TPO: variants seen among roughly 807,000 people sequenced by gnomAD.
TPO encodes thyroid microsomal antigen.
TPO carries 78 observed loss-of-function variants against 96.9 expected under a neutral mutation model. That is an observed-to-expected ratio of 0.81 (90% CI 0.67 to 0.97). TPO has a LOEUF of 0.97. TPO is among the 50% of genes least tolerant of loss of function. The pLI is 0.00. For synonymous variants in TPO, 547 were observed against 538.0 expected (o/e 1.02, Z -0.23); for missense variants, 1,252 against 1,274.8 (o/e 0.98, Z 0.27).
chr2:1,499,040 G>T (rs1168331481), intron 13 of TPO, among the ~76,000 whole-genome samples: 1 of 152,140 alleles, frequency 6.6e-6, no homozygotes, highest in African/African-American at 2.4e-5. Flanking sequence ...CAAATACCCA[G>T]ACGTTTCACG....
intron 13 of TPO, among the ~76,000 whole-genome samples, chr2:1,499,105 C>T (rs912856914): frequency 4.6e-5 from 7 of 152,168 alleles, no homozygotes; most frequent in African/African-American, 1.7e-4. Context: ...TACTCACAGG[C>T]ATCTTCAAGG....
At chr2:1,392,690 C>A (rs1173362297) in intron 1 of TPO, among the ~76,000 whole-genome samples, 1 of 152,114 alleles carries the variant, frequency 6.6e-6, no homozygotes, top group East Asian at 1.9e-4. Context: ...TTGGTCTGTT[C>A]GGAGACTCAA....
At chr2:1,512,100 C>G (rs150449989) in intron 14 of TPO, among the ~76,000 whole-genome samples, 12 of 151,878 alleles carry the variant, frequency 7.9e-5, no homozygotes, top group African/African-American at 2.9e-4. Flanking sequence ...GTGGCGCGAT[C>G]TCAGCCCACT....
chr2:1,482,020 G>A (rs1670693453), intron 8 of TPO, among the ~76,000 whole-genome samples: 1 of 152,194 alleles, frequency 6.6e-6, no homozygotes, highest in Non-Finnish European at 1.5e-5. Context: ...CTCCTCCCTG[G>A]AGCACCCTCA....
At position 1,542,436 on chromosome 2, in the gene TPO, G is replaced by C. The variant is rs1193953273; in HGVS notation, c.2764G>C (p.Glu922Gln). Residue 922 changes from glutamate (E) to glutamine (Q), a missense_variant, in exon 17 of 17, where the codon GAA becomes CAA. Transcript: ENST00000329066. ...ATTTTTGCAGGAGAGTGCTGGGATG[G>C]AAGGCCGGGATACTCACAGGCTGCC... Reference protein sequence around the residue: ...QDSEQESAGMEGRDTHRLPRA... With the variant: ...QDSEQESAGMQGRDTHRLPRA... 19 of 1,614,080 alleles carry C rather than the reference G, an allele frequency of 1.2e-5. No homozygotes were observed. The highest frequency in any genetic ancestry group is 1.4e-5 in the Non-Finnish European group (17 of 1,180,038).
chr2:1,380,891 TG>T (rs1465822741), intron 1 of TPO, among the ~76,000 whole-genome samples: 1 of 152,062 alleles, frequency 6.6e-6, no homozygotes, highest in Non-Finnish European at 1.5e-5. Context: ...CTTCCAATCC[TG>T]GGGGAAGGCA....
intron 7 of TPO, among the ~76,000 whole-genome samples, chr2:1,465,870 G>C (rs1010020814): frequency 1.3e-5 from 2 of 152,072 alleles, no homozygotes; most frequent in Non-Finnish European, 2.9e-5. Flanking sequence ...CCTCTTCGCC[G>C]ATTTGGATGC....
rs1662025418 is a variant in TPO at position 1,392,885 on chromosome 2, TTTC to T, written n.180+18489_180+18491del. On this transcript the variant is annotated intron_variant and non_coding_transcript_variant, in intron 1 of 5. Coordinates refer to the TPO transcript ENST00000497517. ...TTGCATCTATTTGATTCTTCTCTCT[TTTC>T]TTCTTTATTCTTAAACAGATACTTA... Among the ~76,000 whole-genome samples the T allele has an allele frequency of 1.3e-5, 2 of 152,218 alleles. 1 individual carries two copies. Among genetic ancestry groups the T allele is most frequent in the South Asian group, 4.1e-4 (2 of 4,830 alleles).
In TPO at chr2:1,469,242, C is replaced by A. The variant is rs538327103; in HGVS notation, c.820-7844C>A. Among the ~76,000 whole-genome samples, 8 of 152,192 alleles carry A rather than the reference C, an allele frequency of 5.3e-5. No individual in the cohort carries two copies. The East Asian group carries it at 1.5e-3, about 29-fold the overall frequency. ...ATTTCTCCTTGGTTTGGATCCATTG[C>A]CAGTGAGCTAGTGTGATTTTAGGGG... On this transcript the variant is annotated intron_variant, in intron 7 of 16. Coordinates refer to ENST00000329066, the MANE Select transcript of TPO (RefSeq NM_001206744.2).
intron 1 of TPO, among the ~76,000 whole-genome samples, chr2:1,389,447 A>T (rs2148355529): frequency 6.6e-6 from 1 of 152,318 alleles, no homozygotes; most frequent in East Asian, 1.9e-4. Context: ...AGTTTCACTT[A>T]CTCATCCATG....
intron 1 of TPO, among the ~76,000 whole-genome samples, chr2:1,397,897 A>T (rs535777246): frequency 6.6e-6 from 1 of 152,290 alleles, no homozygotes; most frequent in Admixed American, 6.5e-5. Context: ...AAGCTCCTTT[A>T]TCCAGCTCCC....
intron 15 of TPO, among the ~76,000 whole-genome samples, chr2:1,533,371 T>TGCAACCTCCTCAAATCCCCCTACTGCGA (rs2125269165): frequency 8.4e-6 from 1 of 118,382 alleles, no homozygotes; most frequent in African/African-American, 3.2e-5. Flanking sequence ...CCCCACTGTG[T>TGCAACCTCCTCAAATCCCCCTACTGCGA]GCAACCTCCT....
At chr2:1,376,179 C>T (rs1661719188) in intron 1 of TPO, among the ~76,000 whole-genome samples, 6 of 152,178 alleles carry the variant, frequency 3.9e-5, no homozygotes, top group Admixed American at 3.9e-4. Context: ...GGGTATAAAA[C>T]CCGCCATCAC....
chr2:1,402,958 C>T (rs770102282), intron 1 of TPO, among the ~76,000 whole-genome samples: 3 of 152,308 alleles, frequency 2.0e-5, no homozygotes, highest in East Asian at 1.9e-4. Flanking sequence ...CCTTCATTTC[C>T]GGCATCCTCA....
Position 1,456,187 on chromosome 2 carries a change from G to A in TPO, c.724G>A (p.Ala242Thr), listed in dbSNP as rs780371451. ...GGGACAATACATCGACCACGACATC[G>A]CGTTCACACCACAGAGCACCAGCAA... Reference protein sequence around the residue: ...AWGQYIDHDIAFTPQSTSKAA... With the variant: ...AWGQYIDHDITFTPQSTSKAA... The change falls in exon 7 of 17, where the codon GCG becomes ACG. Residue 242 changes from alanine (A) to threonine (T), a missense_variant. Coordinates refer to ENST00000329066, the MANE Select transcript of TPO (RefSeq NM_001206744.2). 9.2e-5 allele frequency: 149 copies of A among 1,613,954 alleles called. No individual in the cohort carries two copies. The highest frequency in any genetic ancestry group is 1.3e-4 in the Admixed American group (8 of 60,004).
chr2:1,487,240 TAAAAC>T (rs1210207307), intron 9 of TPO, among the ~76,000 whole-genome samples: 21 of 151,354 alleles, frequency 1.4e-4, no homozygotes, highest in Non-Finnish European at 2.5e-4. Flanking sequence ...TGCTGAGAAA[TAAAAC>T]AAAAAGCTTT....
At chr2:1,489,245 T>C (rs1266717398) in intron 10 of TPO, among the ~76,000 whole-genome samples, 6 of 119,200 alleles carry the variant, frequency 5.0e-5, no homozygotes, top group East Asian at 2.6e-4. Flanking sequence ...AGCACATGCC[T>C]AGCACATACC....
chr2:1,485,524 A>G (rs1255041479), intron 9 of TPO, among the ~76,000 whole-genome samples: 1 of 151,832 alleles, frequency 6.6e-6, no homozygotes, highest in Non-Finnish European at 1.5e-5. Context: ...TCCCACCAAC[A>G]GTGTAAAAGC....
intron 5 of TPO, among the ~76,000 whole-genome samples, chr2:1,445,891 G>A (rs1348075839): frequency 1.3e-5 from 2 of 151,762 alleles, no homozygotes; most frequent in East Asian, 1.9e-4. Flanking sequence ...GTGTTGGAAG[G>A]GAATGGGGCA....
Sources: gnomAD v4.1 joint callset for allele counts (sites outside exome capture counted in the v4.1 genomes callset) on GRCh38, gnomAD v4.1.1 for gene constraint, MANE v1.5 for transcripts, NCBI Gene and HGNC (gene_info 2026-07-23, HGNC 2026-07-21) for gene names.